NOTCH1: variants seen among roughly 807,000 people sequenced by gnomAD.
NOTCH1 encodes neurogenic locus notch homolog protein 1.
Under a neutral mutation model 254.8 loss-of-function variants are expected in NOTCH1, and 37 were observed. The ratio of observed to expected loss-of-function variants is 0.15; its 90% CI spans 0.11 to 0.19. The LOEUF (loss-of-function observed/expected upper bound fraction) is 0.19. Ranked by LOEUF, NOTCH1 falls within the 10% of genes least tolerant of loss-of-function variation. NOTCH1 has a pLI of 1.00. For synonymous variants in NOTCH1, 1,731 were observed against 1,618.1 expected (o/e 1.07, Z -1.68); for missense variants, 2,972 against 3,708.6 (o/e 0.80, Z 5.16).
chr9:136,508,525 C>T (rs553800209), intron 19 of NOTCH1, 140 bp from the exon 20 acceptor site: 2 of 1,181,694 alleles, frequency 1.7e-6, no homozygotes, highest in Admixed American at 1.9e-5. Context: ...CCCCTGGACT[C>T]CCCACCACCC....
intron 29 of NOTCH1, 36 bp downstream of exon 29, chr9:136,501,965 C>A (rs752963783): frequency 6.2e-7 from 1 of 1,611,586 alleles, no homozygotes; most frequent in Non-Finnish European, 8.5e-7. Context: ...CAGCAGGTGC[C>A]CGGGAGCCCA....
Position 136,495,108 on chromosome 9 carries a change from G to A in NOTCH1, c.*963C>T, listed in dbSNP as rs1230017919. On this transcript the variant is annotated 3_prime_UTR_variant, in exon 34 of 34. Coordinates refer to ENST00000651671, the MANE Select transcript of NOTCH1 (RefSeq NM_017617.5). ...TGGAGCATCTTCTTCGGAACCTGGG[G>A]GACACTGTGCAGGCTGAGGTGCTGG... 1 of 398,982 alleles carries A rather than the reference G, an allele frequency of 2.5e-6. No homozygotes were observed. 24.7% of individuals were successfully genotyped at this position (398,982 alleles called of 1,614,324 possible).
In NOTCH1 at chr9:136,495,893, T is replaced by G; in HGVS notation, c.*178A>C. The G allele has an allele frequency of 1.5e-6, 1 of 669,468 alleles. No homozygotes were observed. Among genetic ancestry groups the G allele is most frequent in the Non-Finnish European group, 2.4e-6 (1 of 414,110 alleles). 41.5% of individuals were successfully genotyped at this position (669,468 alleles called of 1,614,324 possible). Reference sequence around the variant, plus strand: ...GTACATATAAATAAAAAGGCAGTGTTTCTGTGTAAAATAAAAGTACATAAA... The same window carrying G: ...GTACATATAAATAAAAAGGCAGTGTGTCTGTGTAAAATAAAAGTACATAAA... On this transcript the variant is annotated 3_prime_UTR_variant, in exon 34 of 34. Coordinates refer to ENST00000651671, the MANE Select transcript of NOTCH1 (RefSeq NM_017617.5).
At position 136,508,362 on chromosome 9, in the gene NOTCH1, G is replaced by A. The variant is rs2133347657; in HGVS notation, c.3195C>T (p.Ser1065=). ...ATTTGCCGCCGTTCTTGCAGGGCGA[G>A]GAGTCACACCAGTGCACAAGGTTCT... The part of the protein sequence containing the change: ...NCQNLVHWCD[S]SPCKNGGKCW... The change falls in exon 20 of 34, where the codon TCC becomes TCT. Residue 1065 remains serine, a synonymous_variant. Transcript: ENST00000651671. The A allele has an allele frequency of 6.2e-7, 1 of 1,613,272 alleles. No individual in the cohort carries two copies. Among genetic ancestry groups the A allele is most frequent in the Middle Eastern group, 1.7e-4 (1 of 6,060 alleles).
At position 136,519,030 on chromosome 9, in the gene NOTCH1, C is replaced by T. The variant is rs142774281; in HGVS notation, c.866-206G>A. Among the ~76,000 whole-genome samples, 476 of 152,342 alleles carry T rather than the reference C, an allele frequency of 3.1e-3. 3 individuals are homozygous for T. Among genetic ancestry groups the T allele is most frequent in the African/African-American group, 0.011 (461 of 41,582 alleles). On this transcript the variant is annotated intron_variant, in intron 5 of 33. Transcript: ENST00000651671. ...TCTTTGTGCTCTGTGGACACTGCTG[C>T]GTCGGGGTGCACCTTTGCCCGTCAC... is the stretch of plus-strand genomic sequence containing the variant.
rs1842905810 is a variant in NOTCH1 at position 136,495,858 on chromosome 9, A to G, written c.*213T>C. The stretch of plus-strand genomic sequence containing the variant: ...TAGATAAAAGTTTCTACCTGGGGCC[A>G]GATAAAACAGTACATATAAATAAAA... On this transcript the variant is annotated 3_prime_UTR_variant, in exon 34 of 34. Coordinates refer to ENST00000651671, the MANE Select transcript of NOTCH1 (RefSeq NM_017617.5). The G allele has an allele frequency of 1.7e-5, 9 of 539,230 alleles. No individual in the cohort carries two copies. The highest frequency in any genetic ancestry group is 2.8e-5 in the Non-Finnish European group (9 of 318,388). 33.4% of individuals were successfully genotyped at this position (539,230 alleles called of 1,614,324 possible).
chr9:136,504,297 A>G (rs1300496165), intron 26 of NOTCH1, among the ~76,000 whole-genome samples: 1 of 152,234 alleles, frequency 6.6e-6, no homozygotes, highest in Non-Finnish European at 1.5e-5. Context: ...TCAGCCTCCC[A>G]AAGTGCTGGG....
At chr9:136,518,064 G>T in intron 7 of NOTCH1, 73 bp downstream of exon 7, 1 of 1,551,554 alleles carries the variant, frequency 6.4e-7, no homozygotes, top group Admixed American at 1.9e-5. Context: ...CCTGAAGCCA[G>T]AATCGACTTC....
intron 2 of NOTCH1, among the ~76,000 whole-genome samples, chr9:136,529,148 C>T (rs1437618851): frequency 1.3e-5 from 2 of 152,246 alleles, no homozygotes; most frequent in Admixed American, 6.5e-5. Flanking sequence ...TGGGCCCCAC[C>T]AGGTGACCTG....
In NOTCH1 at chr9:136,498,783, G is replaced by A. The variant is rs555923878; in HGVS notation, c.6180+116C>T. On this transcript the variant is annotated intron_variant, in intron 33 of 33. Transcript: ENST00000651671. ...GGTGGGGCCCACATGCGGGCCCAGCGACCCTCGAGACCCTGTGGGTCAGGC... is the reference window on the plus strand; with the variant it reads ...GGTGGGGCCCACATGCGGGCCCAGCAACCCTCGAGACCCTGTGGGTCAGGC... The A allele has an allele frequency of 7.8e-5, 97 of 1,238,902 alleles. 1 individual carries two copies. In the South Asian group the frequency reaches 9.0e-4, roughly 12 times the overall value. 76.7% of individuals were successfully genotyped at this position (1,238,902 alleles called of 1,614,324 possible).
intron 30 of NOTCH1, 80 bp from the exon 31 acceptor site, chr9:136,500,927 A>G (rs2133327142): frequency 6.8e-7 from 1 of 1,460,746 alleles, no homozygotes; most frequent in Non-Finnish European, 9.1e-7. Flanking sequence ...AGCAGCCCCA[A>G]GCTCAAGGGG....
At chr9:136,517,160 G>A in intron 9 of NOTCH1, 112 bp downstream of exon 9, 1 of 703,020 alleles carries the variant, frequency 1.4e-6, no homozygotes, top group Non-Finnish European at 2.4e-6. Context: ...TCACCCCTCA[G>A]GAGGCCGGGG....
chr9:136,525,624 C>A (rs960783498), intron 2 of NOTCH1, among the ~76,000 whole-genome samples: 1 of 152,230 alleles, frequency 6.6e-6, no homozygotes, highest in East Asian at 1.9e-4. Flanking sequence ...CAGGACCGGC[C>A]CTGAAGCTGC....
In NOTCH1 at chr9:136,506,768, G is replaced by C. The variant is rs756057884; in HGVS notation, c.3849C>G (p.Asn1283Lys). ...SNPCDARGTQ[N>K]CVQRVNDFHC... ...GGAAGTCATTGACGCGCTGCACGCA[G>C]TTCTGGGTGCCACGGGCGTCGCAGG... The change falls in exon 23 of 34, where the codon AAC (asparagine) becomes AAG (lysine). Residue 1283 changes from asparagine (N) to lysine (K), a missense_variant. Physicochemically the swap from Asn to Lys is moderately conservative, Grantham distance 94. Around this residue, in one of 8 missense-constraint regions of NOTCH1, gnomAD observed 1,343 missense variants for 1,557.0 expected, o/e 0.86. Coordinates refer to ENST00000651671, the MANE Select transcript of NOTCH1 (RefSeq NM_017617.5). The surrounding 1 kb of genome is among the most constrained non-coding windows in gnomAD (Gnocchi z 4.5). The C allele has an allele frequency of 6.8e-6, 11 of 1,608,698 alleles. No individual in the cohort carries two copies. The highest frequency in any genetic ancestry group is 3.3e-5 in the South Asian group (3 of 90,336).
chr9:136,519,678 G>T (rs1198034445), intron 4 of NOTCH1, 113 bp from the exon 5 acceptor site: 2 of 1,521,728 alleles, frequency 1.3e-6, no homozygotes, highest in East Asian at 4.5e-5. Context: ...GCCCTGCCCT[G>T]GGGCCCCCGG....
rs951387829 is a variant in NOTCH1 at position 136,540,483 on chromosome 9, T to G, written c.140+3541A>C. 2.0e-5 allele frequency among the ~76,000 whole-genome samples: 3 copies of G among 151,960 alleles called. No homozygotes were observed. The highest frequency in any genetic ancestry group is 7.3e-5 in the African/African-American group (3 of 41,366). On this transcript the variant is annotated intron_variant, in intron 2 of 33. Coordinates refer to ENST00000651671, the MANE Select transcript of NOTCH1 (RefSeq NM_017617.5). This position sits in a 1 kb window ranked among gnomAD's most constrained non-coding sequence, Gnocchi z 4.4. ...AATTCACTCGTCAATCAATTAAACATTCAGGAAGGAGGCTCTGGAAACCAG... is the reference window on the plus strand; with the variant it reads ...AATTCACTCGTCAATCAATTAAACAGTCAGGAAGGAGGCTCTGGAAACCAG...
chr9:136,538,009 G>A (rs1843680325), intron 2 of NOTCH1, among the ~76,000 whole-genome samples: 1 of 152,336 alleles, frequency 6.6e-6, no homozygotes, highest in African/African-American at 2.4e-5. Context: ...GAATCTGGGA[G>A]GCAGAGGTTA....
At chr9:136,537,925 CCTA>C (rs1289382936) in intron 2 of NOTCH1, among the ~76,000 whole-genome samples, 1 of 151,996 alleles carries the variant, frequency 6.6e-6, no homozygotes, top group Non-Finnish European at 1.5e-5. Context: ...AAACCCTGCC[CCTA>C]CTAAGAATAC....
intron 12 of NOTCH1, among the ~76,000 whole-genome samples, chr9:136,515,044 T>G (rs1843241847): frequency 6.6e-6 from 1 of 152,120 alleles, no homozygotes; most frequent in African/African-American, 2.4e-5. Flanking sequence ...TGCTCCCTCT[T>G]GGCCTGCTGG....
Sources: allele counts gnomAD v4.1 joint callset (sites outside exome capture counted in the v4.1 genomes callset), GRCh38; gene constraint gnomAD v4.1.1; regional missense constraint gnomAD v4.1.1; non-coding constraint Gnocchi (gnomAD v3.1); transcripts MANE v1.5; gene names NCBI Gene and HGNC (gene_info 2026-07-23, HGNC 2026-07-21).